RSRP1: variants seen among roughly 807,000 people sequenced by gnomAD.
RSRP1 encodes the protein arginine and serine rich protein 1.
Under a neutral mutation model 33.0 loss-of-function variants are expected in RSRP1, and 37 were observed. The observed-to-expected ratio is 1.12, with a 90% CI of 0.86 to 1.48. The LOEUF (loss-of-function observed/expected upper bound fraction) is 1.48. Among genes scored for constraint, RSRP1 ranks in the 40% most tolerant of loss-of-function variants. The pLI is 0.00. For missense variants in RSRP1, 402 were observed against 385.3 expected, an observed-to-expected ratio of 1.04 and a Z score of -0.36; for synonymous variants, 167 against 158.7, an observed-to-expected ratio of 1.05 and a Z score of -0.40.
At chr1:25,246,166 TTAATCA>T (rs1639368994) in intron 2 of RSRP1, 1 of 435,710 alleles carries the variant, frequency 2.3e-6, no homozygotes, top group Non-Finnish European at 4.1e-6. Flanking sequence ...AACCTTTAAC[TTAATCA>T]TAACATTTAA....
intron 1 of RSRP1, among the ~76,000 whole-genome samples, chr1:25,257,556 T>G (rs559655788): frequency 6.2e-4 from 94 of 151,842 alleles, no homozygotes; most frequent in African/African-American, 2.2e-3. Context: ...GAGCAAAGGG[T>G]TTATTGTGGG....
chr1:25,259,426 A>G (rs1357800510), intron 1 of RSRP1, among the ~76,000 whole-genome samples: 1 of 151,782 alleles, frequency 6.6e-6, no homozygotes, highest in Non-Finnish European at 1.5e-5. Context: ...CAGTGTGCTC[A>G]TAGAAACTGC....
chr1:25,261,211 CT>C (rs1382680183), intron 1 of RSRP1, among the ~76,000 whole-genome samples: 4 of 152,050 alleles, frequency 2.6e-5, no homozygotes, highest in Non-Finnish European at 4.4e-5. Context: ...AATATAGTCA[CT>C]TTAGGGGTTA....
At chr1:25,311,397 C>T (rs1415623228) in intron 1 of RSRP1, among the ~76,000 whole-genome samples, 7 of 130,482 alleles carry the variant, frequency 5.4e-5, no homozygotes, top group African/African-American at 1.3e-4. Context: ...TGGTGGTGGG[C>T]GCCTGTATTC....
chr1:25,282,058 T>G lies in RSRP1; in HGVS notation c.-66-35029A>C, dbSNP rs111989070. On this transcript the variant is annotated intron_variant, in intron 1 of 1. Transcript: ENST00000561867. Reference sequence around the variant, plus strand: ...TTGTCATGATGATGTTGATGAACAGTCACTATTTATTGAGCGTTCTCCATG... The same window carrying G: ...TTGTCATGATGATGTTGATGAACAGGCACTATTTATTGAGCGTTCTCCATG... Among the ~76,000 whole-genome samples the G allele has an allele frequency of 1.5e-5, 2 of 131,430 alleles. 1 individual carries two copies. The highest frequency in any genetic ancestry group is 4.7e-4 in the South Asian group (2 of 4,288). 86.2% of individuals were successfully genotyped at this position (131,430 alleles called of 152,430 possible). A position where few individuals can be genotyped will look rare whatever the true frequency, so the allele number is the denominator to read the frequency against.
chr1:25,272,676 G>T (rs1399871129), intron 1 of RSRP1: 1 of 1,555,956 alleles, frequency 6.4e-7, no homozygotes, highest in African/African-American at 1.4e-5. Flanking sequence ...ATCAAAAGGG[G>T]CTCGTGGCAT....
At chr1:25,336,576 CAAT>C (rs1645079145) in intron 1 of RSRP1, 2 of 148,104 alleles carry the variant, frequency 1.4e-5, no homozygotes, top group Non-Finnish European at 2.9e-5. Flanking sequence ...AAATATTTGA[CAAT>C]CATGTTAAGG....
chr1:25,282,839 G>A lies in RSRP1; in HGVS notation c.-66-35810C>T, dbSNP rs537573442. ...GAACCCGGGAGGTGGAGGTTGCAGC[G>A]AGCCGAGATCGCACCACTGCACTCC... On this transcript the variant is annotated intron_variant, in intron 1 of 1. Transcript: ENST00000561867. Among the ~76,000 whole-genome samples the A allele has an allele frequency of 2.1e-3, 276 of 129,620 alleles. 72 individuals carry two copies. Among genetic ancestry groups the A allele is most frequent in the Non-Finnish European group, 4.3e-3 (237 of 54,756 alleles). The allele number at this position is 129,620 out of a possible 152,430, so 85.0% of individuals were successfully genotyped here. A position where few individuals can be genotyped will look rare whatever the true frequency, so the allele number is the denominator to read the frequency against.
chr1:25,307,715 T>C (rs747752077), intron 1 of RSRP1: 1 of 1,308,578 alleles, frequency 7.6e-7, no homozygotes, highest in South Asian at 1.3e-5. Flanking sequence ...CGTTTGGACG[T>C]GTCTCAGAGA....
chr1:25,312,233 C>T (rs1337653242), intron 1 of RSRP1, among the ~76,000 whole-genome samples: 2 of 96,412 alleles, frequency 2.1e-5, no homozygotes, highest in Admixed American at 2.0e-4. Context: ...AACCAGTTAC[C>T]CTTTTTCCCT....
intron 3 of RSRP1, chr1:25,243,856 G>A (rs1639115357): frequency 9.6e-6 from 12 of 1,246,280 alleles, no homozygotes; most frequent in African/African-American, 1.5e-5. Flanking sequence ...TTCCCTGCTG[G>A]CAAATTTAAA....
chr1:25,308,541 T>A lies in RSRP1; in HGVS notation c.-67+29437A>T, dbSNP rs1350689785. Reference sequence around the variant, plus strand: ...CTTTCCAAGAAAATAAAGCCTTGATTGGTAGCACTTGCAATTTCTATGGTA... The same window carrying A: ...CTTTCCAAGAAAATAAAGCCTTGATAGGTAGCACTTGCAATTTCTATGGTA... On this transcript the variant is annotated intron_variant, in intron 1 of 1. Transcript: ENST00000561867. 1.5e-5 allele frequency among the ~76,000 whole-genome samples: 2 copies of A among 132,138 alleles called. 1 individual carries two copies. Among genetic ancestry groups the A allele is most frequent in the Non-Finnish European group, 3.6e-5 (2 of 55,980 alleles). 86.7% of individuals were successfully genotyped at this position (132,138 alleles called of 152,430 possible). A position where few individuals can be genotyped will look rare whatever the true frequency, so the allele number is the denominator to read the frequency against.
In RSRP1 at chr1:25,242,669, CT is replaced by C; in HGVS notation, c.792del (p.Ala265LeufsTer13). ...CTTGAAGATGCCTCTTCTGTGGCAG[CT>C]TTAGCTGATTTTTGTATTGGCTTTG... is the stretch of plus-strand genomic sequence containing the variant. ...SVAKPIQKSA[K>X]AATEEASSRS... On this transcript the variant is annotated frameshift_variant, in exon 5 of 5. Coordinates refer to ENST00000243189, the MANE Select transcript of RSRP1 (RefSeq NM_020317.5). LOFTEE classifies it high-confidence loss of function. 6.2e-7 allele frequency: 1 copy of C among 1,610,482 alleles called. No individual in the cohort carries two copies. Among genetic ancestry groups the C allele is most frequent in the East Asian group, 2.2e-5 (1 of 44,856 alleles).
rs1323192570 is a variant in RSRP1 at position 25,269,927 on chromosome 1, C to A, written c.-66-22898G>T. 2.1e-4 allele frequency among the ~76,000 whole-genome samples: 28 copies of A among 132,264 alleles called. 8 individuals are homozygous for A. Among genetic ancestry groups the A allele is most frequent in the Non-Finnish European group, 4.1e-4 (23 of 55,884 alleles). The allele number at this position is 132,264 out of a possible 152,430, so 86.8% of individuals were successfully genotyped here. A position where few individuals can be genotyped will look rare whatever the true frequency, so the allele number is the denominator to read the frequency against. ...CCCACGCCGTTTGCCAGCTGGTAAA[C>A]ATGCCCATCAGGTCCGGGGGTTGGC... On this transcript the variant is annotated intron_variant, in intron 1 of 1. Coordinates refer to the RSRP1 transcript ENST00000561867.
chr1:25,332,175 C>G lies in RSRP1; in HGVS notation c.-67+5803G>C, dbSNP rs1489477477. On this transcript the variant is annotated intron_variant, in intron 1 of 1. Transcript: ENST00000561867. ...CCTCTGCCTCCCGTGTAGCTGGGATCACAGGCACACGCCACCACACCTAGC... is the reference window on the plus strand; with the variant it reads ...CCTCTGCCTCCCGTGTAGCTGGGATGACAGGCACACGCCACCACACCTAGC... Among the ~76,000 whole-genome samples the G allele has an allele frequency of 1.6e-4, 20 of 126,020 alleles. 3 individuals are homozygous for G. Among genetic ancestry groups the G allele is most frequent in the African/African-American group, 5.4e-4 (20 of 36,946 alleles). The allele number at this position is 126,020 out of a possible 152,430, so 82.7% of individuals were successfully genotyped here.
chr1:25,293,668 C>T (rs1305510229), intron 1 of RSRP1, among the ~76,000 whole-genome samples: 1 of 130,996 alleles, frequency 7.6e-6, no homozygotes, highest in East Asian at 2.0e-4. Context: ...TAAAATTTCC[C>T]TAGTATATGT....
In RSRP1 at chr1:25,280,188, A is replaced by C. The variant is rs911026833; in HGVS notation, c.-66-33159T>G. Among the ~76,000 whole-genome samples the C allele has an allele frequency of 9.3e-5, 12 of 128,798 alleles. 4 individuals carry two copies. Among genetic ancestry groups the C allele is most frequent in the Admixed American group, 8.3e-4 (11 of 13,320 alleles). 84.5% of individuals were successfully genotyped at this position (128,798 alleles called of 152,430 possible). ...GAGGCACAATTCCTCTCTCAGGGAC[A>C]GTGTAGAGCCTTGGGGAGGAAGGCC... is the stretch of plus-strand genomic sequence containing the variant. On this transcript the variant is annotated intron_variant, in intron 1 of 1. Coordinates refer to the RSRP1 transcript ENST00000561867.
intron 1 of RSRP1, among the ~76,000 whole-genome samples, chr1:25,282,040 G>T (rs1343029307): frequency 3.8e-5 from 5 of 131,812 alleles, no homozygotes; most frequent in African/African-American, 1.0e-4. Context: ...TGATTGTCAT[G>T]ATGATGTTGA....
intron 1 of RSRP1, among the ~76,000 whole-genome samples, chr1:25,306,206 T>C (rs1643816969): frequency 7.6e-6 from 1 of 131,680 alleles, no homozygotes; most frequent in African/African-American, 2.6e-5. Context: ...TACTGGCAGC[T>C]CGTGGGGAGA....
Sources: allele counts gnomAD v4.1 joint callset (sites outside exome capture counted in the v4.1 genomes callset), GRCh38; gene constraint gnomAD v4.1.1; transcripts MANE v1.5; gene names NCBI Gene and HGNC (gene_info 2026-07-23, HGNC 2026-07-21).